Variants in GRM1 observed in about 807,000 individuals in gnomAD.
GRM1 encodes the protein metabotropic glutamate receptor 1.
GRM1 carries 33 observed loss-of-function variants against 90.9 expected under a neutral mutation model. That is an observed-to-expected ratio of 0.36 (90% CI 0.28 to 0.49). GRM1 has a LOEUF of 0.49. Ranked by LOEUF, GRM1 falls within the 20% of genes least tolerant of loss-of-function variation. The pLI, the probability that GRM1 is intolerant of heterozygous loss-of-function variation, is 0.99. For synonymous variants in GRM1, 700 were observed against 613.2 expected (o/e 1.14, Z -2.09); for missense variants, 1,190 against 1,534.3 (o/e 0.78, Z 3.75).
intron 2 of GRM1, among the ~76,000 whole-genome samples, chr6:146,212,449 G>C (rs370862268): frequency 6.6e-6 from 1 of 152,126 alleles, no homozygotes; most frequent in African/African-American, 2.4e-5. Context: ...AGGTGACGCG[G>C]GTTGGGTTTT....
chr6:146,389,009 T>C lies in GRM1; in HGVS notation c.1729+1993T>C, dbSNP rs185997914. Among the ~76,000 whole-genome samples, 51 of 152,150 alleles carry C rather than the reference T, an allele frequency of 3.4e-4. No homozygotes were observed. In the East Asian group the frequency reaches 7.0e-3, roughly 21 times the overall value. On this transcript the variant is annotated intron_variant, in intron 6 of 7. Transcript: ENST00000282753. ...TGCAATGGCCTGGCTTGGAAAAGCT[T>C]TTCCAACCTCATTTTGGACTCATGC... is the stretch of plus-strand genomic sequence containing the variant.
At chr6:146,076,135 C>T (rs79359829) in intron 1 of GRM1, among the ~76,000 whole-genome samples, 5,372 of 152,178 alleles carry the variant, frequency 0.035, 319 homozygotes, top group African/African-American at 0.12. Flanking sequence ...GGGTGCATGA[C>T]TGGTGTGTTT....
In GRM1 at chr6:146,383,683, T is replaced by A. The variant is rs1776399569; in HGVS notation, c.1603-3207T>A. Among the ~76,000 whole-genome samples the A allele has an allele frequency of 2.6e-5, 4 of 152,142 alleles. No individual in the cohort carries two copies. In the South Asian group the frequency reaches 8.3e-4, roughly 31 times the overall value. On this transcript the variant is annotated intron_variant, in intron 5 of 7. Transcript: ENST00000282753. ...TTTATGTAATTCTAAAACAGTGGTA[T>A]AAATGTCAACCTGATGTGCAGGAAG... is the stretch of plus-strand genomic sequence containing the variant.
At chr6:146,142,404 A>G (rs1014030902) in intron 1 of GRM1, among the ~76,000 whole-genome samples, 2 of 152,076 alleles carry the variant, frequency 1.3e-5, no homozygotes, top group African/African-American at 4.8e-5. Context: ...TGTAACTACT[A>G]CTTGGCTACT....
chr6:146,399,500 C>A lies in GRM1; in HGVS notation c.2461C>A (p.Leu821Ile). ...KIITTCFAVS[L>I]SVTVALGCMF... ...CATCACAACTTGCTTTGCAGTGAGTCTCAGTGTAACAGTGGCTCTGGGGTG... is the reference window on the plus strand; with the variant it reads ...CATCACAACTTGCTTTGCAGTGAGTATCAGTGTAACAGTGGCTCTGGGGTG... Residue 821 changes from leucine (L) to isoleucine (I), a missense_variant, in exon 7 of 8, where the codon CTC becomes ATC. Coordinates refer to ENST00000282753, the MANE Select transcript of GRM1 (RefSeq NM_001278064.2). This position sits in a 1 kb window ranked among gnomAD's most constrained non-coding sequence, Gnocchi z 5.4. 1 of 1,614,098 alleles carries A rather than the reference C, an allele frequency of 6.2e-7. No homozygotes were observed.
chr6:146,035,392 A>T (rs1790853591), intron 1 of GRM1, among the ~76,000 whole-genome samples: 2 of 152,014 alleles, frequency 1.3e-5, no homozygotes, highest in East Asian at 3.9e-4. Flanking sequence ...AGTGGACGAA[A>T]GAAAAGCCAG....
At chr6:146,195,684 A>G (rs1285267601) in intron 2 of GRM1, among the ~76,000 whole-genome samples, 1 of 152,162 alleles carries the variant, frequency 6.6e-6, no homozygotes, top group Non-Finnish European at 1.5e-5. Context: ...TTCTTTTCTG[A>G]CTTCTGTGTT....
rs576191899 is a variant in GRM1, at chr6:146,064,885, T to G, written c.700+34668T>G. Among the ~76,000 whole-genome samples, 6 of 152,158 alleles carry G rather than the reference T, an allele frequency of 3.9e-5. No homozygotes were observed. In the South Asian group the frequency reaches 1.2e-3, roughly 32 times the overall value. ...ATAGTTACAGAATTTTTTTCGAGAT[T>G]GAGTCTTATACTTAACAAACCATCA... is the stretch of plus-strand genomic sequence containing the variant. On this transcript the variant is annotated intron_variant, in intron 1 of 7. Transcript: ENST00000282753.
chr6:146,387,807 G>A (rs1036190688), intron 6 of GRM1, among the ~76,000 whole-genome samples: 3 of 152,176 alleles, frequency 2.0e-5, no homozygotes, highest in Admixed American at 1.3e-4. Flanking sequence ...TTTGGACTTT[G>A]GCTTTGAGCA....
At chr6:146,127,506 T>A (rs1776239992) in intron 1 of GRM1, among the ~76,000 whole-genome samples, 1 of 152,150 alleles carries the variant, frequency 6.6e-6, no homozygotes, top group Non-Finnish European at 1.5e-5. Context: ...CTCCTGAGGT[T>A]TGATGGGTGG....
intron 3 of GRM1, among the ~76,000 whole-genome samples, chr6:146,324,752 A>T (rs927102335): frequency 6.6e-6 from 1 of 151,900 alleles, no homozygotes; most frequent in African/African-American, 2.4e-5. Flanking sequence ...CGTGGGCTGC[A>T]CCCCCTGTCT....
At chr6:146,348,747 T>C (rs1373914152) in intron 3 of GRM1, among the ~76,000 whole-genome samples, 1 of 152,192 alleles carries the variant, frequency 6.6e-6, no homozygotes, top group African/African-American at 2.4e-5. Flanking sequence ...GCTGTGCACA[T>C]CTGGAATGAT....
intron 1 of GRM1, among the ~76,000 whole-genome samples, chr6:146,096,375 A>G (rs541836037): frequency 6.6e-6 from 1 of 152,270 alleles, no homozygotes; most frequent in African/African-American, 2.4e-5. Flanking sequence ...GAGCCTAAGT[A>G]AGAGGAAGGG....
chr6:146,433,284 T>C (rs1490415780), intron 7 of GRM1, among the ~76,000 whole-genome samples: 1 of 152,200 alleles, frequency 6.6e-6, no homozygotes, highest in South Asian at 2.1e-4. Context: ...TTTTCTGTCA[T>C]CTGCTTTTTT....
chr6:146,319,535 T>C (rs1162804204), intron 3 of GRM1, among the ~76,000 whole-genome samples: 1 of 152,200 alleles, frequency 6.6e-6, no homozygotes, highest in Non-Finnish European at 1.5e-5. Context: ...GGGGAGAGCA[T>C]TGAATCTATA....
In GRM1 at chr6:146,360,696, A is replaced by T. The variant is rs149378217; in HGVS notation, c.1602+3002A>T. 1.7e-3 allele frequency among the ~76,000 whole-genome samples: 254 copies of T among 152,306 alleles called. 1 individual carries two copies. Among genetic ancestry groups the T allele is most frequent in the African/African-American group, 5.9e-3 (244 of 41,580 alleles). On this transcript the variant is annotated intron_variant, in intron 5 of 7. Transcript: ENST00000282753. ...TCCTATTTTACCAAACCCATCCAGA[A>T]GACAGCTGGCAAGAGATCCTGGAAA...
chr6:146,040,748 T>A (rs1285989942), intron 1 of GRM1, among the ~76,000 whole-genome samples: 1 of 151,966 alleles, frequency 6.6e-6, no homozygotes, highest in Non-Finnish European at 1.5e-5. Context: ...ATCTGTGTGG[T>A]GTTCTCTACC....
At chr6:146,270,584 C>G (rs1782079909) in intron 2 of GRM1, among the ~76,000 whole-genome samples, 1 of 152,114 alleles carries the variant, frequency 6.6e-6, no homozygotes. Context: ...TCCCCATGAC[C>G]CCCAACCCAA....
At chr6:146,422,976 G>A (rs536660836) in intron 7 of GRM1, among the ~76,000 whole-genome samples, 4 of 151,284 alleles carry the variant, frequency 2.6e-5, no homozygotes, top group African/African-American at 9.7e-5. Flanking sequence ...GAGGAGGGAG[G>A]GAGGGAAAGA....
Sources: allele counts gnomAD v4.1 joint callset (sites outside exome capture counted in the v4.1 genomes callset), GRCh38; gene constraint gnomAD v4.1.1; non-coding constraint Gnocchi (gnomAD v3.1); transcripts MANE v1.5; gene names NCBI Gene and HGNC (gene_info 2026-07-23, HGNC 2026-07-21).